PCDHGA7: variants seen among roughly 807,000 people sequenced by gnomAD.
PCDHGA7 encodes the protein protocadherin gamma subfamily A, 7.
Under a neutral mutation model 58.3 loss-of-function variants are expected in PCDHGA7, and 44 were observed. The ratio of observed to expected loss-of-function variants is 0.75; its 90% CI spans 0.59 to 0.97. The LOEUF (loss-of-function observed/expected upper bound fraction) is 0.97, where lower values mean the gene tolerates loss of function less well. PCDHGA7 is among the 50% of genes least tolerant of loss of function. The pLI, the probability that PCDHGA7 is intolerant of heterozygous loss-of-function variation, is 0.00. For missense variants in PCDHGA7, 1,266 were observed against 1,188.7 expected (o/e 1.06, Z -0.96); for synonymous variants, 516 against 504.2 (o/e 1.02, Z -0.31).
intron 1 of PCDHGA7, chr5:141,422,162 A>T: frequency 6.4e-7 from 1 of 1,571,230 alleles, no homozygotes; most frequent in Non-Finnish European, 8.6e-7. Context: ...GATTTTGAAA[A>T]ATATAGATTC....
chr5:141,425,742 A>T (rs1315830227), intron 1 of PCDHGA7, among the ~76,000 whole-genome samples: 1 of 152,246 alleles, frequency 6.6e-6, no homozygotes, highest in Non-Finnish European at 1.5e-5. Flanking sequence ...GTTTTCCCAC[A>T]AGGTTTTTGT....
intron 1 of PCDHGA7, chr5:141,423,750 TGGGGGG>T: frequency 3.5e-6 from 1 of 287,482 alleles, no homozygotes; most frequent in Non-Finnish European, 4.5e-6. Flanking sequence ...GAAAACTGTT[TGGGGGG>T]GGGGTGGGGC....
intron 1 of PCDHGA7, among the ~76,000 whole-genome samples, chr5:141,467,032 T>G (rs551565159): frequency 2.0e-5 from 3 of 152,164 alleles, no homozygotes; most frequent in Non-Finnish European, 2.9e-5. Flanking sequence ...GTTTTTGTTT[T>G]TTGTGTAATG....
Position 141,491,620 on chromosome 5 carries a change from A to C in PCDHGA7, c.2425-3187A>C. On this transcript the variant is annotated intron_variant, in intron 1 of 3. Coordinates refer to ENST00000518325, the MANE Select transcript of PCDHGA7 (RefSeq NM_018920.4). This position sits in a 1 kb window ranked among gnomAD's most constrained non-coding sequence, Gnocchi z 6.9. ...TGACTTCACTTTTCTAAGACCCCTC[A>C]GCGTTCAGCAGCCCACAGCTCTGGC... is the stretch of plus-strand genomic sequence containing the variant. 6.2e-7 allele frequency: 1 copy of C among 1,613,906 alleles called. No individual in the cohort carries two copies. The highest frequency in any genetic ancestry group is 1.1e-5 in the South Asian group (1 of 91,084).
chr5:141,384,614 C>T lies in PCDHGA7; in HGVS notation c.1715C>T (p.Ser572Phe). The change falls in exon 1 of 4, where the codon TCT becomes TTT. Residue 572 changes from serine (S) to phenylalanine (F), a missense_variant. Physicochemically the swap from Ser to Phe is radical, Grantham distance 155. Coordinates refer to ENST00000518325, the MANE Select transcript of PCDHGA7 (RefSeq NM_018920.4). The stretch of plus-strand genomic sequence containing the variant: ...TACCCGGCCCTCCCCACAGATGGTT[C>T]TACTGGCATGGAGCTGGCACCCCGC... ...ILYPALPTDG[S>F]TGMELAPRSA... The T allele has an allele frequency of 6.2e-7, 1 of 1,614,222 alleles. No homozygotes were observed. Among genetic ancestry groups the T allele is most frequent in the Non-Finnish European group, 8.5e-7 (1 of 1,180,038 alleles).
rs202113404 is a variant in PCDHGA7, at chr5:141,414,779, A to G, written c.2424+29456A>G. The G allele has an allele frequency of 4.2e-4, 674 of 1,614,210 alleles. No homozygotes were observed. Among genetic ancestry groups the G allele is most frequent in the Admixed American group, 6.0e-4 (36 of 60,022 alleles). On this transcript the variant is annotated intron_variant, in intron 1 of 3. Transcript: ENST00000518325. ...GAGCAGTTTCATGAGCTACAGATGCAGGTGACAGCCAGCGACAGCGGGGAT... is the reference window on the plus strand; with the variant it reads ...GAGCAGTTTCATGAGCTACAGATGCGGGTGACAGCCAGCGACAGCGGGGAT...
chr5:141,427,829 G>C, intron 1 of PCDHGA7: 1 of 1,538,520 alleles, frequency 6.5e-7, no homozygotes. Flanking sequence ...TGGTCGCGCA[G>C]CGTGCCTTCG....
At chr5:141,407,873 A>C (rs561323423) in intron 1 of PCDHGA7, 1 of 354,804 alleles carries the variant, frequency 2.8e-6, no homozygotes, top group African/African-American at 2.1e-5. Flanking sequence ...CGAAGAATAT[A>C]TACATTTCGG....
chr5:141,497,413 T>A (rs572922456), intron 2 of PCDHGA7, among the ~76,000 whole-genome samples: 1 of 151,928 alleles, frequency 6.6e-6, no homozygotes, highest in African/African-American at 2.4e-5. Context: ...TCCCATTCCA[T>A]CAAATGAGAG....
rs141958687 is a variant in PCDHGA7 at position 141,509,744 on chromosome 5, G to A, written c.2573-1203G>A. 3.3e-3 allele frequency among the ~76,000 whole-genome samples: 509 copies of A among 152,266 alleles called. 3 individuals are homozygous for A. The highest frequency in any genetic ancestry group is 5.5e-3 in the Non-Finnish European group (372 of 68,024). On this transcript the variant is annotated intron_variant, in intron 3 of 3. Coordinates refer to ENST00000518325, the MANE Select transcript of PCDHGA7 (RefSeq NM_018920.4). ...CACCTAGCTGTGGCACTCTGAGCCT[G>A]TGCCTAAAGTGTCCCTGAGATGTCT...
chr5:141,465,800 C>G (rs1486100601), intron 1 of PCDHGA7, among the ~76,000 whole-genome samples: 2 of 151,524 alleles, frequency 1.3e-5, no homozygotes, highest in East Asian at 3.9e-4. Flanking sequence ...TTTAAGAAAC[C>G]CTTCAGGATC....
chr5:141,397,359 A>T (rs372780097), intron 1 of PCDHGA7, among the ~76,000 whole-genome samples: 10 of 152,226 alleles, frequency 6.6e-5, no homozygotes, highest in African/African-American at 2.4e-4. Flanking sequence ...AGTCAGGAAG[A>T]GGAGATGTTT....
Position 141,431,668 on chromosome 5 carries a change from A to C in PCDHGA7, c.2424+46345A>C. ...ATTGTAATTCAGGGACAATATCAAC[A>C]ATAGGGGAGTTGGACCACGAGGAGT... is the stretch of plus-strand genomic sequence containing the variant. On this transcript the variant is annotated intron_variant, in intron 1 of 3. Coordinates refer to ENST00000518325, the MANE Select transcript of PCDHGA7 (RefSeq NM_018920.4). This position sits in a 1 kb window ranked among gnomAD's most constrained non-coding sequence, Gnocchi z 4.8. The C allele has an allele frequency of 6.2e-7, 1 of 1,614,208 alleles. No individual in the cohort carries two copies. Among genetic ancestry groups the C allele is most frequent in the Non-Finnish European group, 8.5e-7 (1 of 1,180,036 alleles).
chr5:141,414,781 G>T, intron 1 of PCDHGA7: 2 of 1,614,230 alleles, frequency 1.2e-6, no homozygotes, highest in Non-Finnish European at 1.7e-6. Flanking sequence ...ACAGATGCAG[G>T]TGACAGCCAG....
rs753473913 is a variant in PCDHGA7 at position 141,503,323 on chromosome 5, G to A, written c.2484-2070G>A. On this transcript the variant is annotated intron_variant, in intron 2 of 3. Transcript: ENST00000518325. The stretch of plus-strand genomic sequence containing the variant: ...CTCAAGAAAGAATTGTTGGAGGGGC[G>A]CGGTGGCTCACGCCTGTAATTCCAG... Among the ~76,000 whole-genome samples the A allele has an allele frequency of 2.0e-5, 3 of 152,214 alleles. No individual in the cohort carries two copies. In the Middle Eastern group the frequency reaches 0.01, roughly 518 times the overall value.
intron 1 of PCDHGA7, chr5:141,422,545 T>C: frequency 6.2e-7 from 1 of 1,614,000 alleles, no homozygotes; most frequent in Non-Finnish European, 8.5e-7. Context: ...AACTCATGTC[T>C]GGCTGAATGT....
rs999463482 is a variant in PCDHGA7, at chr5:141,506,400, T to C, written c.2572+919T>C. ...GGAGGTGGCTGTGGTGAGCAGAAAATCGCACCACTGCACTCCAGCCTGGGC... is the reference window on the plus strand; with the variant it reads ...GGAGGTGGCTGTGGTGAGCAGAAAACCGCACCACTGCACTCCAGCCTGGGC... On this transcript the variant is annotated intron_variant, in intron 3 of 3. Coordinates refer to ENST00000518325, the MANE Select transcript of PCDHGA7 (RefSeq NM_018920.4). 1.2e-4 allele frequency among the ~76,000 whole-genome samples: 16 copies of C among 135,754 alleles called. No homozygotes were observed. In the Admixed American group the frequency reaches 1.3e-3, roughly 11 times the overall value. The allele number at this position is 135,754 out of a possible 152,430, so 89.1% of individuals were successfully genotyped here.
rs754178145 is a variant in PCDHGA7 at position 141,489,423 on chromosome 5, C to G, written c.2425-5384C>G. On this transcript the variant is annotated intron_variant, in intron 1 of 3. Transcript: ENST00000518325. The surrounding 1 kb of genome is among the most constrained non-coding windows in gnomAD (Gnocchi z 4.5). ...GCTTAAAGATGACAGATCTGTTGAG[C>G]CGGCGGCTGCAATTGGGCTCTGAGG... 3 of 1,614,098 alleles carry G rather than the reference C, an allele frequency of 1.9e-6. No individual in the cohort carries two copies. The highest frequency in any genetic ancestry group is 1.7e-5 in the Admixed American group (1 of 60,020).
At chr5:141,415,754 T>C in intron 1 of PCDHGA7, 3 of 1,385,738 alleles carry the variant, frequency 2.2e-6, no homozygotes, top group South Asian at 1.7e-5. Context: ...TTTTTTTTTT[T>C]TTTTTTTTTT....
Sources: allele counts gnomAD v4.1 joint callset (sites outside exome capture counted in the v4.1 genomes callset), GRCh38; gene constraint gnomAD v4.1.1; non-coding constraint Gnocchi (gnomAD v3.1); transcripts MANE v1.5; gene names NCBI Gene and HGNC (gene_info 2026-07-23, HGNC 2026-07-21).